The following RSPO2 variants were observed in gnomAD, a reference collection of about 807,000 sequenced individuals.
RSPO2 encodes R-spondin-2.
Under a neutral mutation model 30.9 loss-of-function variants are expected in RSPO2, and 14 were observed. The observed-to-expected ratio is 0.45, with a 90% CI of 0.30 to 0.71. RSPO2 has a LOEUF of 0.71. Ranked by LOEUF, RSPO2 falls within the 30% of genes least tolerant of loss-of-function variation. The pLI, the probability that RSPO2 is intolerant of heterozygous loss-of-function variation, is 0.08. For synonymous variants in RSPO2, 107 were observed against 96.4 expected (o/e 1.11, Z -0.64); for missense variants, 264 against 301.9 (o/e 0.87, Z 0.93).
chr8:108,069,905 A>C (rs1022977109), intron 2 of RSPO2, among the ~76,000 whole-genome samples: 1 of 152,218 alleles, frequency 6.6e-6, no homozygotes, highest in Admixed American at 6.5e-5. Flanking sequence ...GATAGTATTA[A>C]TAAAATTTTG....
chr8:108,045,628 A>G (rs1489926944), intron 2 of RSPO2, among the ~76,000 whole-genome samples: 1 of 152,172 alleles, frequency 6.6e-6, no homozygotes, highest in Non-Finnish European at 1.5e-5. Context: ...CAAATATTAC[A>G]ACATTTTTGT....
At chr8:108,039,609 C>A (rs1192379211) in intron 2 of RSPO2, among the ~76,000 whole-genome samples, 1 of 152,024 alleles carries the variant, frequency 6.6e-6, no homozygotes, top group African/African-American at 2.4e-5. Flanking sequence ...TCTTAAGGTA[C>A]CTTTCAAAAG....
chr8:108,031,776 A>T (rs1424711787), intron 2 of RSPO2, among the ~76,000 whole-genome samples: 2 of 152,158 alleles, frequency 1.3e-5, no homozygotes, highest in African/African-American at 2.4e-5. Flanking sequence ...AGATGCATCA[A>T]TCTGCAGAGG....
At chr8:107,922,410 A>G (rs1812201993) in intron 5 of RSPO2, among the ~76,000 whole-genome samples, 1 of 151,712 alleles carries the variant, frequency 6.6e-6, no homozygotes. Context: ...AAAGATCTAC[A>G]AAACACTGCT....
rs561438422 is a variant in RSPO2, at chr8:107,933,199, C to A, written c.616+24881G>T. On this transcript the variant is annotated intron_variant, in intron 5 of 5. Coordinates refer to ENST00000276659, the MANE Select transcript of RSPO2 (RefSeq NM_178565.5). ...ATAGGTACACCTCTCCAATCTGATG[C>A]GAGTTTAAATTAACCATGTCACTAT... 5.9e-5 allele frequency among the ~76,000 whole-genome samples: 9 copies of A among 152,176 alleles called. No homozygotes were observed. In the East Asian group the frequency reaches 1.7e-3, roughly 29 times the overall value.
Position 108,003,407 on chromosome 8 carries a change from C to G in RSPO2, c.95-14163G>C, listed in dbSNP as rs529827119. On this transcript the variant is annotated intron_variant, in intron 2 of 5. Transcript: ENST00000276659. ...CTCCTGGCCTTGGGTAATCCGCCGA[C>G]CTCTGGTGATCCTCTGGCCTCAGCC... Among the ~76,000 whole-genome samples the G allele has an allele frequency of 6.5e-4, 94 of 145,652 alleles. 1 individual carries two copies. The highest frequency in any genetic ancestry group is 1.0e-3 in the Non-Finnish European group (67 of 66,748).
At chr8:108,009,083 G>A (rs891124583) in intron 2 of RSPO2, among the ~76,000 whole-genome samples, 8 of 152,106 alleles carry the variant, frequency 5.3e-5, no homozygotes, top group South Asian at 2.1e-4. Flanking sequence ...TAAAATTAAC[G>A]TTTAAGGGAC....
intron 2 of RSPO2, among the ~76,000 whole-genome samples, chr8:108,043,931 T>C (rs1811832949): frequency 6.6e-6 from 1 of 151,746 alleles, no homozygotes; most frequent in Non-Finnish European, 1.5e-5. Context: ...GTTTTCTACT[T>C]TTAAAAAAAA....
Position 108,082,678 on chromosome 8 carries a change from AG to A in RSPO2, c.-41del, listed in dbSNP as rs759426137. On this transcript the variant is annotated 5_prime_UTR_variant, in exon 2 of 6. Transcript: ENST00000276659. The stretch of plus-strand genomic sequence containing the variant: ...GGGGGAGAGACGCCTCTCAAAGTCT[AG>A]GAACTGGAGGGTTCGCCCAAAGAGC... 2 of 1,548,380 alleles carry A rather than the reference AG, an allele frequency of 1.3e-6. No homozygotes were observed. Among genetic ancestry groups the A allele is most frequent in the South Asian group, 2.2e-5 (2 of 89,132 alleles).
At chr8:108,059,336 A>G (rs1812370740) in intron 2 of RSPO2, among the ~76,000 whole-genome samples, 1 of 151,892 alleles carries the variant, frequency 6.6e-6, no homozygotes, top group Non-Finnish European at 1.5e-5. Flanking sequence ...GGCAATCATT[A>G]AAAAGTCAGG....
At chr8:107,977,901 T>A (rs1018045442) in intron 3 of RSPO2, among the ~76,000 whole-genome samples, 27 of 151,912 alleles carry the variant, frequency 1.8e-4, no homozygotes, top group African/African-American at 6.0e-4. Flanking sequence ...GATCGTCAGA[T>A]GTGACAGGAG....
At chr8:108,058,600 C>T (rs1563583639) in intron 2 of RSPO2, among the ~76,000 whole-genome samples, 1 of 152,092 alleles carries the variant, frequency 6.6e-6, no homozygotes, top group Non-Finnish European at 1.5e-5. Flanking sequence ...TCAAACCATA[C>T]TACAAGGCTA....
At chr8:108,005,134 C>T (rs1815408234) in intron 2 of RSPO2, among the ~76,000 whole-genome samples, 2 of 152,052 alleles carry the variant, frequency 1.3e-5, no homozygotes, top group Admixed American at 6.6e-5. Flanking sequence ...TCCCTCATGA[C>T]TGGTCATATA....
At chr8:108,007,444 G>T (rs1815489376) in intron 2 of RSPO2, among the ~76,000 whole-genome samples, 1 of 152,158 alleles carries the variant, frequency 6.6e-6, no homozygotes, top group Non-Finnish European at 1.5e-5. Context: ...ATAATGGAGA[G>T]ATTTGGCCAA....
intron 5 of RSPO2, among the ~76,000 whole-genome samples, chr8:107,922,360 A>C (rs1391964317): frequency 6.6e-6 from 1 of 152,096 alleles, no homozygotes; most frequent in African/African-American, 2.4e-5. Context: ...TAGCCACAAG[A>C]AGAATAAAAT....
intron 2 of RSPO2, among the ~76,000 whole-genome samples, chr8:108,060,949 A>G (rs1209945113): frequency 1.3e-5 from 2 of 151,794 alleles, no homozygotes; most frequent in Non-Finnish European, 2.9e-5. Context: ...TCATAAGTGA[A>G]GGAGAAATAA....
At chr8:107,958,701 G>A (rs540883699) in intron 4 of RSPO2, among the ~76,000 whole-genome samples, 7 of 152,114 alleles carry the variant, frequency 4.6e-5, no homozygotes, top group Admixed American at 3.3e-4. Flanking sequence ...TCCCCGCATC[G>A]CCCCCATTCT....
chr8:107,914,988 C>G (rs1459359434), intron 5 of RSPO2, among the ~76,000 whole-genome samples: 5 of 152,070 alleles, frequency 3.3e-5, no homozygotes, highest in Non-Finnish European at 5.9e-5. Flanking sequence ...ACCATTGAAT[C>G]TTAAATTCGG....
At chr8:107,920,159 G>A (rs1812111167) in intron 5 of RSPO2, among the ~76,000 whole-genome samples, 3 of 152,136 alleles carry the variant, frequency 2.0e-5, no homozygotes, top group African/African-American at 7.2e-5. Flanking sequence ...CCTGCCAGAT[G>A]TGAAGAGTTG....
Sources: gnomAD v4.1 joint callset for allele counts (sites outside exome capture counted in the v4.1 genomes callset) on GRCh38, gnomAD v4.1.1 for gene constraint, MANE v1.5 for transcripts, NCBI Gene and HGNC (gene_info 2026-07-23, HGNC 2026-07-21) for gene names.